NUBPL: variants seen among roughly 807,000 people sequenced by gnomAD.
NUBPL encodes NUBP iron-sulfur cluster assembly factor, mitochondrial.
A neutral mutation model predicts 45.7 loss-of-function variants in NUBPL; 31 were observed. The ratio of observed to expected loss-of-function variants is 0.68; its 90% CI spans 0.51 to 0.92. The LOEUF (loss-of-function observed/expected upper bound fraction) is 0.92, where lower values mean the gene tolerates loss of function less well. Ranked by LOEUF, NUBPL falls within the 40% of genes least tolerant of loss-of-function variation. The probability of loss-of-function intolerance (pLI) is 0.00; values close to 1 mark genes in which losing one functional copy is unlikely to be tolerated. For missense variants in NUBPL, 401 were observed against 398.7 expected (o/e 1.01, Z -0.05); for synonymous variants, 144 against 140.9 (o/e 1.02, Z -0.15).
Position 31,735,712 on chromosome 14 carries a change from C to T in NUBPL, c.514-52068C>T, listed in dbSNP as rs535539202. On this transcript the variant is annotated intron_variant, in intron 6 of 10. Coordinates refer to ENST00000281081, the MANE Select transcript of NUBPL (RefSeq NM_025152.3). ...ACTAAAAATATAAAAATTAGCCGGG[C>T]GTCGTCGCGCATGCCTGTAATCCCA... Among the ~76,000 whole-genome samples the T allele has an allele frequency of 3.2e-4, 49 of 152,140 alleles. No homozygotes were observed. The South Asian group carries it at 9.4e-3, about 29-fold the overall frequency.
chr14:31,594,033 T>G (rs763562546), intron 3 of NUBPL, among the ~76,000 whole-genome samples: 6 of 152,206 alleles, frequency 3.9e-5, no homozygotes, highest in Non-Finnish European at 5.9e-5. Context: ...TGGCATTATC[T>G]CTGGGCCTTA....
intron 3 of NUBPL, among the ~76,000 whole-genome samples, chr14:31,585,078 G>A (rs1029101463): frequency 2.0e-5 from 3 of 152,142 alleles, no homozygotes; most frequent in Non-Finnish European, 4.4e-5. Flanking sequence ...TACAATATGT[G>A]CTTTTTCTGA....
At chr14:31,737,698 C>T (rs12432120) in intron 6 of NUBPL, among the ~76,000 whole-genome samples, 44,905 of 152,000 alleles carry the variant, frequency 0.3, 7,500 homozygotes, top group South Asian at 0.41. Context: ...GCACAAGAAT[C>T]GCTTGCACCT....
intron 6 of NUBPL, among the ~76,000 whole-genome samples, chr14:31,766,911 G>A (rs559287919): frequency 6.6e-6 from 1 of 151,970 alleles, no homozygotes; most frequent in Non-Finnish European, 1.5e-5. Flanking sequence ...TACTGAAGAT[G>A]GCAAAGAGGA....
intron 7 of NUBPL, among the ~76,000 whole-genome samples, chr14:31,808,057 G>T (rs1422058697): frequency 6.6e-6 from 1 of 152,194 alleles, no homozygotes; most frequent in East Asian, 1.9e-4. Context: ...CAGGTGGCGT[G>T]ATGCCTCCAA....
intron 6 of NUBPL, among the ~76,000 whole-genome samples, chr14:31,716,567 C>T (rs1392826936): frequency 6.6e-6 from 1 of 152,178 alleles, no homozygotes; most frequent in African/African-American, 2.4e-5. Context: ...CCATTATTGA[C>T]CAAAATATCC....
intron 7 of NUBPL, among the ~76,000 whole-genome samples, chr14:31,809,156 C>G (rs2039750546): frequency 6.6e-6 from 1 of 152,310 alleles, no homozygotes; most frequent in South Asian, 2.1e-4. Context: ...AGGATTCCCT[C>G]TTTTTCTTCT....
At chr14:31,670,865 G>A (rs1436979120) in intron 4 of NUBPL, among the ~76,000 whole-genome samples, 2 of 152,142 alleles carry the variant, frequency 1.3e-5, no homozygotes, top group Admixed American at 1.3e-4. Flanking sequence ...TGCTGTTTTG[G>A]TTACGGTAGC....
chr14:31,854,690 G>T (rs537484548), intron 10 of NUBPL, among the ~76,000 whole-genome samples: 1 of 152,130 alleles, frequency 6.6e-6, no homozygotes, highest in Non-Finnish European at 1.5e-5. Context: ...CTTGCCCAAA[G>T]CCTCACAGCT....
intron 3 of NUBPL, among the ~76,000 whole-genome samples, chr14:31,567,951 C>A (rs2033482049): frequency 6.6e-6 from 1 of 152,188 alleles, no homozygotes. Flanking sequence ...CACTTCTAAC[C>A]TGCTAATGTC....
At chr14:31,634,117 AG>A (rs2035419597) in intron 4 of NUBPL, among the ~76,000 whole-genome samples, 1 of 151,914 alleles carries the variant, frequency 6.6e-6, no homozygotes, top group African/African-American at 2.4e-5. Flanking sequence ...TTTAAGTTTT[AG>A]GGTACATGTA....
intron 4 of NUBPL, among the ~76,000 whole-genome samples, chr14:31,640,653 C>CATCA (rs1306677100): frequency 4.0e-5 from 6 of 149,518 alleles, no homozygotes; most frequent in Admixed American, 3.3e-4. Flanking sequence ...TTAGATTAAT[C>CATCA]ATCAAATTCC....
intron 4 of NUBPL, among the ~76,000 whole-genome samples, chr14:31,666,230 T>G (rs1173448859): frequency 2.5e-4 from 2 of 8,084 alleles, no homozygotes; most frequent in Non-Finnish European, 7.2e-4. Context: ...ATATTTAAGA[T>G]ATATATATAT....
At chr14:31,574,136 G>A (rs1391638278) in intron 3 of NUBPL, among the ~76,000 whole-genome samples, 2 of 152,192 alleles carry the variant, frequency 1.3e-5, no homozygotes, top group Non-Finnish European at 2.9e-5. Context: ...CTGAGATAAT[G>A]TGTTTGAAGC....
chr14:31,712,888 A>C (rs2037608448), intron 6 of NUBPL, among the ~76,000 whole-genome samples: 1 of 152,218 alleles, frequency 6.6e-6, no homozygotes, highest in Non-Finnish European at 1.5e-5. Context: ...AAGAAATGTA[A>C]TTATGTGTGG....
intron 7 of NUBPL, among the ~76,000 whole-genome samples, chr14:31,799,477 T>A (rs2039542319): frequency 1.3e-5 from 2 of 152,152 alleles, no homozygotes; most frequent in African/African-American, 2.4e-5. Context: ...ATAAAATGGA[T>A]AACAACCTCA....
intron 6 of NUBPL, among the ~76,000 whole-genome samples, chr14:31,717,044 G>T (rs2037705897): frequency 6.6e-6 from 1 of 152,078 alleles, no homozygotes; most frequent in African/African-American, 2.4e-5. Flanking sequence ...CTAAAATTCA[G>T]ATCTCATCAA....
chr14:31,599,209 T>A, intron 3 of NUBPL, 80 bp from the exon 4 acceptor site: 1 of 1,075,484 alleles, frequency 9.3e-7, no homozygotes. Flanking sequence ...TGCTATATGC[T>A]TCACCTTTGA....
chr14:31,650,959 G>A (rs941449787), intron 4 of NUBPL, among the ~76,000 whole-genome samples: 2 of 152,142 alleles, frequency 1.3e-5, no homozygotes, highest in Non-Finnish European at 2.9e-5. Context: ...GGAACTAATA[G>A]AGATAGAGCT....
Sources: allele counts gnomAD v4.1 joint callset (sites outside exome capture counted in the v4.1 genomes callset), GRCh38; gene constraint gnomAD v4.1.1; transcripts MANE v1.5; gene names NCBI Gene and HGNC (gene_info 2026-07-23, HGNC 2026-07-21).